CNTNAP5: variants seen among roughly 807,000 people sequenced by gnomAD.
CNTNAP5 encodes contactin-associated protein-like 5.
In CNTNAP5, 72 loss-of-function variants were observed where a neutral mutation model predicts 150.2. That is an observed-to-expected ratio of 0.48 (90% CI 0.40 to 0.58). CNTNAP5 has a LOEUF of 0.58. Ranked by LOEUF, CNTNAP5 falls within the 20% of genes least tolerant of loss-of-function variation. The probability of loss-of-function intolerance (pLI) is 0.00; values close to 1 mark genes in which losing one functional copy is unlikely to be tolerated. For synonymous variants in CNTNAP5, 672 were observed against 619.8 expected (o/e 1.08, Z -1.25); for missense variants, 1,636 against 1,626.2 (o/e 1.01, Z -0.10).
chr2:124,436,310 T>A (rs916897010), intron 5 of CNTNAP5, among the ~76,000 whole-genome samples: 1 of 152,222 alleles, frequency 6.6e-6, no homozygotes, highest in Non-Finnish European at 1.5e-5. Context: ...GTAAACCAGA[T>A]ACATTCATGG....
rs574422483 is a variant in CNTNAP5, at chr2:124,903,583, G to A, written c.3655+483G>A. ...AATTGTAATAATCTGATAAACATGC[G>A]CATTGTGTAATTACTATCACAATTA... is the stretch of plus-strand genomic sequence containing the variant. On this transcript the variant is annotated intron_variant, in intron 22 of 23. Transcript: ENST00000682447. Among the ~76,000 whole-genome samples, 260 of 152,162 alleles carry A rather than the reference G, an allele frequency of 1.7e-3. 2 individuals are homozygous for A. Among genetic ancestry groups the A allele is most frequent in the African/African-American group, 5.8e-3 (242 of 41,520 alleles).
intron 19 of CNTNAP5, among the ~76,000 whole-genome samples, chr2:124,857,767 C>G (rs1677413188): frequency 6.6e-6 from 1 of 151,834 alleles, no homozygotes; most frequent in Admixed American, 6.6e-5. Context: ...GCAGAGGTTG[C>G]AGTGAGCTGA....
chr2:124,088,904 A>G (rs905127042), intron 1 of CNTNAP5, among the ~76,000 whole-genome samples: 2 of 152,226 alleles, frequency 1.3e-5, no homozygotes, highest in Admixed American at 1.3e-4. Context: ...AGATAGAGCC[A>G]CAATATTTTC....
At chr2:124,565,160 G>C (rs1042236292) in intron 11 of CNTNAP5, among the ~76,000 whole-genome samples, 1 of 152,178 alleles carries the variant, frequency 6.6e-6, no homozygotes, top group Non-Finnish European at 1.5e-5. Flanking sequence ...TGTCCATAGG[G>C]AAGTCTGATC....
At chr2:124,474,142 C>G (rs945394232) in intron 6 of CNTNAP5, among the ~76,000 whole-genome samples, 1 of 152,064 alleles carries the variant, frequency 6.6e-6, no homozygotes, top group Non-Finnish European at 1.5e-5. Context: ...ATTATATTTA[C>G]TTCCCATTAT....
chr2:124,795,452 C>T (rs151133372), intron 18 of CNTNAP5, among the ~76,000 whole-genome samples: 4 of 152,306 alleles, frequency 2.6e-5, no homozygotes, highest in African/African-American at 9.6e-5. Context: ...CTGTCGCTAA[C>T]ACATCAAGCC....
intron 2 of CNTNAP5, among the ~76,000 whole-genome samples, chr2:124,232,134 CTTT>C (rs1686637417): frequency 6.6e-6 from 1 of 152,108 alleles, no homozygotes; most frequent in Non-Finnish European, 1.5e-5. Flanking sequence ...ACAAGAGCTT[CTTT>C]AATTCATTAG....
At chr2:124,340,653 C>T (rs1395696479) in intron 3 of CNTNAP5, among the ~76,000 whole-genome samples, 2 of 151,752 alleles carry the variant, frequency 1.3e-5, no homozygotes, top group Admixed American at 6.6e-5. Context: ...AGTCCAGGCT[C>T]ACAGGTATAA....
rs528726289 is a variant in CNTNAP5, at chr2:124,628,990, G to A, written c.1877-18768G>A. Among the ~76,000 whole-genome samples, 54 of 152,190 alleles carry A rather than the reference G, an allele frequency of 3.5e-4. 1 individual carries two copies. Among genetic ancestry groups the A allele is most frequent in the African/African-American group, 7.9e-4 (33 of 41,516 alleles). On this transcript the variant is annotated intron_variant, in intron 12 of 23. Coordinates refer to ENST00000682447, the MANE Select transcript of CNTNAP5 (RefSeq NM_001367498.1). ...GAAGGGCATTACATCATGCTGAAGC[G>A]TTCAATTCAACAAAAGGAGCTATTT...
chr2:124,484,226 A>T (rs2104842822), intron 7 of CNTNAP5, among the ~76,000 whole-genome samples: 1 of 152,368 alleles, frequency 6.6e-6, no homozygotes, highest in Admixed American at 6.5e-5. Context: ...GCAAAAGCTC[A>T]AGGTGGGACT....
chr2:124,720,517 G>T (rs896703317), intron 13 of CNTNAP5, among the ~76,000 whole-genome samples: 2 of 151,862 alleles, frequency 1.3e-5, no homozygotes, highest in Non-Finnish European at 2.9e-5. Context: ...AACCTTCTTT[G>T]CATCCCAAGA....
intron 1 of CNTNAP5, among the ~76,000 whole-genome samples, chr2:124,047,627 C>T (rs1434462760): frequency 2.6e-5 from 4 of 152,214 alleles, no homozygotes; most frequent in African/African-American, 9.6e-5. Context: ...TCTGGAAGCA[C>T]TCCACGCCTC....
chr2:124,212,431 A>G (rs1272909636), intron 1 of CNTNAP5, among the ~76,000 whole-genome samples: 2 of 152,168 alleles, frequency 1.3e-5, no homozygotes. Flanking sequence ...ATATTTTTTC[A>G]AAGATTTGTG....
At position 124,356,549 on chromosome 2, in the gene CNTNAP5, T is replaced by C. The variant is rs1175617685; in HGVS notation, c.382-60894T>C. The stretch of plus-strand genomic sequence containing the variant: ...TTCAATTCCCACCTATGAGTGAGAA[T>C]ATGCGGTGTTTGGTTTTTTGTTCTT... On this transcript the variant is annotated intron_variant, in intron 3 of 23. Transcript: ENST00000682447. 4.7e-5 allele frequency among the ~76,000 whole-genome samples: 7 copies of C among 148,782 alleles called. No individual in the cohort carries two copies. The East Asian group carries it at 1.2e-3, about 26-fold the overall frequency.
chr2:124,149,305 A>T (rs1216247846), intron 1 of CNTNAP5, among the ~76,000 whole-genome samples: 2 of 150,236 alleles, frequency 1.3e-5, no homozygotes, highest in African/African-American at 2.4e-5. Context: ...TCAGACATTA[A>T]ATCTTGGTGC....
At chr2:124,426,970 CT>C (rs1558897217) in intron 4 of CNTNAP5, among the ~76,000 whole-genome samples, 1 of 152,052 alleles carries the variant, frequency 6.6e-6, no homozygotes, top group African/African-American at 2.4e-5. Flanking sequence ...CATGATTGGC[CT>C]CTCCTTCATA....
At chr2:124,169,844 A>G (rs2699372) in intron 1 of CNTNAP5, among the ~76,000 whole-genome samples, 147,459 of 152,252 alleles carry the variant, frequency 0.97, 71,585 homozygotes, top group East Asian at 1. Context: ...TCATCTGCAT[A>G]GAGCAAAGGT....
intron 11 of CNTNAP5, among the ~76,000 whole-genome samples, chr2:124,581,461 A>C (rs982565585): frequency 2.6e-5 from 4 of 152,220 alleles, no homozygotes; most frequent in African/African-American, 9.6e-5. Context: ...AAGAAATCAA[A>C]GCTCTTTCAT....
At chr2:124,720,591 C>T (rs192900342) in intron 13 of CNTNAP5, among the ~76,000 whole-genome samples, 133 of 152,208 alleles carry the variant, frequency 8.7e-4, no homozygotes, top group Admixed American at 2.0e-3. Flanking sequence ...GACTCTACTG[C>T]GTTAAAAGCT....
Sources: allele counts gnomAD v4.1 joint callset (sites outside exome capture counted in the v4.1 genomes callset), GRCh38; gene constraint gnomAD v4.1.1; transcripts MANE v1.5; gene names NCBI Gene and HGNC (gene_info 2026-07-23, HGNC 2026-07-21).